Variants in ROBO2 observed in about 807,000 individuals in gnomAD.
ROBO2 encodes roundabout guidance receptor 2, also known as roundabout homolog 2.
In ROBO2, 53 loss-of-function variants were observed where a neutral mutation model predicts 160.8. That is an observed-to-expected ratio of 0.33 (90% CI 0.26 to 0.41). ROBO2 has a LOEUF of 0.41. ROBO2 is among the 10% of genes least tolerant of loss of function. The pLI, the probability that ROBO2 is intolerant of heterozygous loss-of-function variation, is 1.00. For missense variants in ROBO2, 1,577 were observed against 1,722.4 expected (o/e 0.92, Z 1.49); for synonymous variants, 664 against 611.7 (o/e 1.09, Z -1.26).
At chr3:76,059,687 G>T (rs183115296) in intron 2 of ROBO2, among the ~76,000 whole-genome samples, 2 of 152,106 alleles carry the variant, frequency 1.3e-5, no homozygotes, top group Admixed American at 6.6e-5. Flanking sequence ...GGCTTTTGTT[G>T]CCATTGCTTT....
chr3:77,049,367 C>T (rs775223044), intron 1 of ROBO2, among the ~76,000 whole-genome samples: 1 of 152,082 alleles, frequency 6.6e-6, no homozygotes, highest in Non-Finnish European at 1.5e-5. Flanking sequence ...AAAGAATTAT[C>T]CAAAACCATA....
intron 2 of ROBO2, among the ~76,000 whole-genome samples, chr3:76,020,062 T>C (rs965113488): frequency 6.6e-6 from 1 of 151,990 alleles, no homozygotes; most frequent in Non-Finnish European, 1.5e-5. Context: ...TTTCTTCATA[T>C]GTTTTGAGAC....
At chr3:76,741,110 T>A (rs1277757849) in intron 2 of ROBO2, among the ~76,000 whole-genome samples, 1 of 152,048 alleles carries the variant, frequency 6.6e-6, no homozygotes, top group East Asian at 1.9e-4. Context: ...TCTAATCTCA[T>A]TGCTTTGGTG....
intron 2 of ROBO2, among the ~76,000 whole-genome samples, chr3:76,538,449 A>G (rs929171306): frequency 6.6e-6 from 1 of 152,176 alleles, no homozygotes; most frequent in East Asian, 1.9e-4. Flanking sequence ...TTAGGATATT[A>G]ATCATTTACA....
At chr3:76,161,188 C>T (rs2072621219) in intron 2 of ROBO2, among the ~76,000 whole-genome samples, 1 of 151,370 alleles carries the variant, frequency 6.6e-6, no homozygotes, top group South Asian at 2.1e-4. Context: ...AAAAAAAATA[C>T]AGTGACTCTG....
intron 2 of ROBO2, among the ~76,000 whole-genome samples, chr3:76,469,690 A>G (rs1033276807): frequency 1.3e-5 from 2 of 152,120 alleles, no homozygotes; most frequent in South Asian, 4.1e-4. Flanking sequence ...TTAACTACTC[A>G]TCACCTTTGA....
At chr3:76,823,829 T>C (rs896845322) in intron 2 of ROBO2, among the ~76,000 whole-genome samples, 1 of 152,150 alleles carries the variant, frequency 6.6e-6, no homozygotes, top group African/African-American at 2.4e-5. Flanking sequence ...AAGTGGATAA[T>C]AACATCTAAG....
intron 2 of ROBO2, among the ~76,000 whole-genome samples, chr3:76,460,146 A>T (rs979915123): frequency 6.0e-5 from 9 of 148,812 alleles, no homozygotes; most frequent in South Asian, 2.1e-4. Context: ...TTACATTTAT[A>T]AAAAAAAACT....
At chr3:77,261,490 A>G (rs534401299) in intron 2 of ROBO2, among the ~76,000 whole-genome samples, 2 of 152,356 alleles carry the variant, frequency 1.3e-5, no homozygotes, top group East Asian at 3.9e-4. Flanking sequence ...AGGAAATGGC[A>G]TAAAAAGGAG....
chr3:76,893,196 G>A (rs947910921), intron 2 of ROBO2, among the ~76,000 whole-genome samples: 5 of 151,198 alleles, frequency 3.3e-5, no homozygotes, highest in Admixed American at 6.6e-5. Context: ...TTCCCCTTTG[G>A]GCCAGACACA....
intron 2 of ROBO2, among the ~76,000 whole-genome samples, chr3:75,980,962 T>C (rs1035966039): frequency 5.3e-5 from 8 of 151,578 alleles, no homozygotes; most frequent in Non-Finnish European, 1.0e-4. Flanking sequence ...ATTTTTACCA[T>C]GTGAAGTATT....
At chr3:76,861,960 C>T (rs570278318) in intron 2 of ROBO2, among the ~76,000 whole-genome samples, 2 of 152,214 alleles carry the variant, frequency 1.3e-5, no homozygotes, top group African/African-American at 4.8e-5. Flanking sequence ...CTCAGAGGCT[C>T]TTGCAGTTCT....
At chr3:76,811,761 C>A (rs921214282) in intron 2 of ROBO2, among the ~76,000 whole-genome samples, 1 of 151,380 alleles carries the variant, frequency 6.6e-6, no homozygotes, top group African/African-American at 2.4e-5. Context: ...GCTTAATTAC[C>A]TTTCTCTCTT....
At chr3:76,385,115 C>T (rs2076821154) in intron 2 of ROBO2, among the ~76,000 whole-genome samples, 1 of 152,064 alleles carries the variant, frequency 6.6e-6, no homozygotes, top group Non-Finnish European at 1.5e-5. Context: ...CCACCTCAGT[C>T]CCCCAAGTAG....
chr3:76,421,023 G>A (rs1046053260), intron 2 of ROBO2, among the ~76,000 whole-genome samples: 1 of 152,180 alleles, frequency 6.6e-6, no homozygotes, highest in East Asian at 1.9e-4. Flanking sequence ...GGACTTATCA[G>A]CAGGAAATCA....
At chr3:76,735,574 C>A (rs2093694988) in intron 2 of ROBO2, among the ~76,000 whole-genome samples, 1 of 151,656 alleles carries the variant, frequency 6.6e-6, no homozygotes, top group Non-Finnish European at 1.5e-5. Context: ...CCAGCCTGGG[C>A]AATACGGTGA....
At chr3:77,253,931 C>T (rs1254914055) in intron 2 of ROBO2, among the ~76,000 whole-genome samples, 1 of 152,070 alleles carries the variant, frequency 6.6e-6, no homozygotes, top group Non-Finnish European at 1.5e-5. Flanking sequence ...AAGGGTATAT[C>T]TTGGACATAA....
intron 2 of ROBO2, among the ~76,000 whole-genome samples, chr3:76,230,459 C>T (rs17140525): frequency 0.014 from 2,136 of 152,174 alleles, 93 homozygotes; most frequent in East Asian, 0.14. Flanking sequence ...ATCTGCTTTG[C>T]TTTATGAGTG....
chr3:76,846,074 A>T (rs549160680), intron 2 of ROBO2, among the ~76,000 whole-genome samples: 1 of 152,250 alleles, frequency 6.6e-6, no homozygotes, highest in East Asian at 1.9e-4. Context: ...TTGAAACAAG[A>T]CAATATATCC....
Sources: gnomAD v4.1 joint callset for allele counts (sites outside exome capture counted in the v4.1 genomes callset) on GRCh38, gnomAD v4.1.1 for gene constraint, MANE v1.5 for transcripts, NCBI Gene and HGNC (gene_info 2026-07-23, HGNC 2026-07-21) for gene names.